Variants in SIMC1 observed in about 807,000 individuals in gnomAD.
SIMC1 encodes SUMO-interacting motif-containing protein 1.
In SIMC1, 55 loss-of-function variants were observed where a neutral mutation model predicts 82.3. That is an observed-to-expected ratio of 0.67 (90% CI 0.54 to 0.84). The LOEUF (loss-of-function observed/expected upper bound fraction) is 0.84, where lower values mean the gene tolerates loss of function less well. Ranked by LOEUF, SIMC1 falls within the 40% of genes least tolerant of loss-of-function variation. The pLI is 0.00. For missense variants in SIMC1, 915 were observed against 1,107.2 expected (o/e 0.83, Z 2.46); for synonymous variants, 353 against 426.3 (o/e 0.83, Z 2.12).
intron 4 of SIMC1, among the ~76,000 whole-genome samples, chr5:176,305,141 G>A (rs1178556463): frequency 1.6e-5 from 2 of 127,454 alleles, no homozygotes; most frequent in East Asian, 5.1e-4. Context: ...CCAGGAGGGG[G>A]GGGGGGTCAG....
At chr5:176,304,284 C>G (rs1764178070) in intron 4 of SIMC1, 1 of 154,416 alleles carries the variant, frequency 6.5e-6, no homozygotes, top group African/African-American at 2.4e-5. Context: ...TCTCGGCTCA[C>G]TGCAACCTCC....
chr5:176,315,700 G>T (rs1387904164), intron 5 of SIMC1, among the ~76,000 whole-genome samples: 1 of 152,144 alleles, frequency 6.6e-6, no homozygotes, highest in African/African-American at 2.4e-5. Flanking sequence ...CTAATAACAA[G>T]GAGGACGTTT....
intron 1 of SIMC1, among the ~76,000 whole-genome samples, chr5:176,250,700 C>T (rs1229250307): frequency 6.6e-6 from 1 of 152,164 alleles, no homozygotes. Flanking sequence ...GCATTAATCC[C>T]TTTACCATTA....
chr5:176,279,670 T>C (rs1348639271), intron 1 of SIMC1, among the ~76,000 whole-genome samples: 15 of 151,050 alleles, frequency 9.9e-5, no homozygotes, highest in African/African-American at 3.2e-4. Flanking sequence ...TCTGGTATGT[T>C]GTGTCTTTGT....
chr5:176,276,910 G>A lies in SIMC1; in HGVS notation c.130-12744G>A, dbSNP rs965406777. Among the ~76,000 whole-genome samples the A allele has an allele frequency of 5.6e-4, 84 of 150,530 alleles. 1 individual carries two copies. Among genetic ancestry groups the A allele is most frequent in the African/African-American group, 1.8e-3 (72 of 40,904 alleles). ...GTGAATAATGCCGCAGTAAACATAC[G>A]TGTACATGTGTCTTTATAGCAGCAT... On this transcript the variant is annotated intron_variant, in intron 1 of 9. Coordinates refer to ENST00000429602, the MANE Select transcript of SIMC1 (RefSeq NM_001308195.2).
chr5:176,330,898 T>C (rs1051035070), intron 7 of SIMC1, among the ~76,000 whole-genome samples: 1 of 152,170 alleles, frequency 6.6e-6, no homozygotes, highest in Admixed American at 6.5e-5. Flanking sequence ...AACTTTACAA[T>C]GGAGACACTA....
intron 1 of SIMC1, among the ~76,000 whole-genome samples, chr5:176,283,437 G>A (rs781360444): frequency 2.0e-5 from 3 of 152,180 alleles, no homozygotes; most frequent in Admixed American, 6.5e-5. Context: ...CTTCATAAGC[G>A]AAGGAGAAAT....
chr5:176,345,038 C>A, intron 9 of SIMC1, 145 bp from the exon 10 acceptor site: 1 of 978,250 alleles, frequency 1.0e-6, no homozygotes, highest in South Asian at 1.9e-5. Context: ...AGTGGAGTTA[C>A]TGCAGGCACT....
intron 4 of SIMC1, among the ~76,000 whole-genome samples, chr5:176,297,553 C>G (rs1435212531): frequency 3.3e-5 from 3 of 91,694 alleles, no homozygotes; most frequent in Admixed American, 1.1e-4. Flanking sequence ...CTGTAATAAA[C>G]AAAGACAGCT....
chr5:176,255,616 T>A, intron 1 of SIMC1, among the ~76,000 whole-genome samples: 1 of 147,188 alleles, frequency 6.8e-6, no homozygotes. Context: ...AGAGCTAACT[T>A]GACTTTAAAG....
chr5:176,273,119 G>A (rs772188170), intron 1 of SIMC1, among the ~76,000 whole-genome samples: 4 of 152,194 alleles, frequency 2.6e-5, no homozygotes, highest in Non-Finnish European at 4.4e-5. Context: ...ATCTGAGAAC[G>A]GACAGACTGC....
chr5:176,345,176 C>T lies in SIMC1; in HGVS notation c.2414-7C>T, dbSNP rs1284335827. The T allele has an allele frequency of 1.9e-6, 3 of 1,607,236 alleles. No homozygotes were observed. Among genetic ancestry groups the T allele is most frequent in the Admixed American group, 1.7e-5 (1 of 58,816 alleles). ...GAGCACCCAACTGACTTTTTTCCCT[C>T]TTGCAGAACACTTAAGGAGTTCCGT... On this transcript the variant is annotated splice_region_variant and splice_polypyrimidine_tract_variant and intron_variant, in intron 9 of 9. Coordinates refer to ENST00000429602, the MANE Select transcript of SIMC1 (RefSeq NM_001308195.2).
intron 7 of SIMC1, among the ~76,000 whole-genome samples, chr5:176,331,262 C>T (rs1428900533): frequency 2.7e-5 from 4 of 150,384 alleles, no homozygotes; most frequent in Non-Finnish European, 4.4e-5. Flanking sequence ...CCCAGCTACT[C>T]GGGAGGCTGA....
At chr5:176,324,382 T>A (rs1765286843) in intron 6 of SIMC1, among the ~76,000 whole-genome samples, 1 of 152,142 alleles carries the variant, frequency 6.6e-6, no homozygotes. Flanking sequence ...CAGCTTGCTT[T>A]TACAGCTCAA....
intron 5 of SIMC1, among the ~76,000 whole-genome samples, chr5:176,318,105 A>G (rs1176323736): frequency 2.0e-5 from 3 of 152,190 alleles, no homozygotes. Flanking sequence ...GGGACAAATC[A>G]GAGGCTGAAG....
chr5:176,317,168 G>A (rs1764950814), intron 5 of SIMC1, among the ~76,000 whole-genome samples: 1 of 152,098 alleles, frequency 6.6e-6, no homozygotes, highest in Non-Finnish European at 1.5e-5. Context: ...TTACAAGGAT[G>A]TATGCATATA....
intron 4 of SIMC1, among the ~76,000 whole-genome samples, chr5:176,306,809 G>A (rs1413409962): frequency 6.6e-6 from 1 of 151,366 alleles, no homozygotes; most frequent in African/African-American, 2.4e-5. Context: ...AGGAAAACCA[G>A]AGACCTTTGT....
At position 176,290,507 on chromosome 5, in the gene SIMC1, C is replaced by T. The variant is rs554098879; in HGVS notation, c.983C>T (p.Ala328Val). The change falls in exon 2 of 10, where the codon GCA (alanine) becomes GTA (valine). Residue 328 changes from alanine to valine, a missense_variant. Ala to Val is a moderately conservative substitution (Grantham distance 64, BLOSUM62 0). Coordinates refer to ENST00000429602, the MANE Select transcript of SIMC1 (RefSeq NM_001308195.2). ...AGTGATGTTTCACCGTCACCAGATGCACCACAGTCACCAGGGGGCATGCCA... is the reference window on the plus strand; with the variant it reads ...AGTGATGTTTCACCGTCACCAGATGTACCACAGTCACCAGGGGGCATGCCA... The part of the protein sequence containing the change: ...SPSDVSPSPD[A>V]PQSPGGMPHL... 51 of 1,613,972 alleles carry T rather than the reference C, an allele frequency of 3.2e-5. No individual in the cohort carries two copies. The highest frequency in any genetic ancestry group is 1.7e-6 in the Non-Finnish European group (2 of 1,179,880).
intron 4 of SIMC1, among the ~76,000 whole-genome samples, chr5:176,303,125 G>A (rs1283284539): frequency 2.6e-5 from 4 of 151,886 alleles, no homozygotes; most frequent in Admixed American, 6.6e-5. Flanking sequence ...GTCTTTAGCC[G>A]GGCATGATGG....
Sources: gnomAD v4.1 joint callset for allele counts (sites outside exome capture counted in the v4.1 genomes callset) on GRCh38, gnomAD v4.1.1 for gene constraint, MANE v1.5 for transcripts, NCBI Gene and HGNC (gene_info 2026-07-23, HGNC 2026-07-21) for gene names.